GALNTL6: variants seen among roughly 807,000 people sequenced by gnomAD.
GALNTL6 encodes polypeptide N-acetylgalactosaminyltransferase like 6.
GALNTL6 carries 46 observed loss-of-function variants against 73.7 expected under a neutral mutation model. The ratio of observed to expected loss-of-function variants is 0.62; its 90% CI spans 0.49 to 0.80. The LOEUF (loss-of-function observed/expected upper bound fraction) is 0.80. Among genes scored for constraint, GALNTL6 ranks in the 30% least tolerant of loss-of-function variants. GALNTL6 has a pLI of 0.00. For missense variants in GALNTL6, 604 were observed against 755.0 expected (o/e 0.80, Z 2.34); for synonymous variants, 259 against 263.7 (o/e 0.98, Z 0.17).
chr4:172,369,738 C>T (rs1017922163), intron 5 of GALNTL6, among the ~76,000 whole-genome samples: 2 of 152,180 alleles, frequency 1.3e-5, no homozygotes, highest in African/African-American at 4.8e-5. Flanking sequence ...CTGCCCGGGG[C>T]CGGTGGTACA....
chr4:172,142,137 A>G (rs1285054459), intron 2 of GALNTL6, among the ~76,000 whole-genome samples: 2 of 152,052 alleles, frequency 1.3e-5, no homozygotes, highest in African/African-American at 4.8e-5. Context: ...TATAGAAATA[A>G]ATATTGTAAT....
intron 2 of GALNTL6, among the ~76,000 whole-genome samples, chr4:171,938,105 T>A (rs1282555595): frequency 1.3e-5 from 2 of 152,124 alleles, no homozygotes; most frequent in Non-Finnish European, 2.9e-5. Flanking sequence ...GATTTTTTCT[T>A]TTTTTTAAGT....
intron 2 of GALNTL6, among the ~76,000 whole-genome samples, chr4:172,104,232 C>T (rs1471348592): frequency 1.3e-5 from 2 of 152,100 alleles, no homozygotes; most frequent in Admixed American, 1.3e-4. Flanking sequence ...TGTGAGCCAC[C>T]GTGCCCGGCC....
intron 5 of GALNTL6, among the ~76,000 whole-genome samples, chr4:172,684,038 T>C (rs1262751595): frequency 6.6e-6 from 1 of 152,202 alleles, no homozygotes; most frequent in African/African-American, 2.4e-5. Context: ...TAGATGCATC[T>C]ATAAAGGATA....
intron 5 of GALNTL6, among the ~76,000 whole-genome samples, chr4:172,540,498 T>C: frequency 6.6e-6 from 1 of 152,188 alleles, no homozygotes; most frequent in Non-Finnish European, 1.5e-5. Flanking sequence ...AGGTTTATTC[T>C]GAGCCAATAT....
At chr4:172,010,177 T>C (rs1351172878) in intron 2 of GALNTL6, among the ~76,000 whole-genome samples, 4 of 152,104 alleles carry the variant, frequency 2.6e-5, no homozygotes, top group African/African-American at 9.7e-5. Context: ...AGCTTCTTTA[T>C]TACAAAAGCA....
chr4:172,859,544 G>A (rs554673387), intron 7 of GALNTL6, among the ~76,000 whole-genome samples: 50 of 151,978 alleles, frequency 3.3e-4, no homozygotes, highest in African/African-American at 7.5e-4. Flanking sequence ...TAATGCTGCC[G>A]TTCGTTAAGT....
chr4:172,377,403 G>A (rs745545627), intron 5 of GALNTL6, among the ~76,000 whole-genome samples: 16 of 152,150 alleles, frequency 1.1e-4, no homozygotes, highest in African/African-American at 2.2e-4. Context: ...TGATTGGTGC[G>A]TTCACAATCC....
chr4:173,009,135 T>C (rs1218122678), intron 10 of GALNTL6, 43 bp from the exon 11 acceptor site: 3 of 1,318,686 alleles, frequency 2.3e-6, no homozygotes, highest in Non-Finnish European at 3.3e-6. Flanking sequence ...AATGATAAAA[T>C]ACGACATAGC....
chr4:172,024,889 T>A (rs944100761), intron 2 of GALNTL6, among the ~76,000 whole-genome samples: 1 of 147,532 alleles, frequency 6.8e-6, no homozygotes, highest in Admixed American at 6.9e-5. Context: ...AATTAAGAGA[T>A]TTTTAGCGTT....
At chr4:172,025,059 A>G (rs966398524) in intron 2 of GALNTL6, among the ~76,000 whole-genome samples, 5 of 152,014 alleles carry the variant, frequency 3.3e-5, no homozygotes, top group African/African-American at 1.2e-4. Context: ...TCAATGCTTC[A>G]CAGCTTAATT....
At chr4:172,894,301 T>TGAA (rs1035430991) in intron 8 of GALNTL6, among the ~76,000 whole-genome samples, 33 of 152,310 alleles carry the variant, frequency 2.2e-4, no homozygotes, top group African/African-American at 6.3e-4. Flanking sequence ...TTGAAGTATT[T>TGAA]GAAGTTTGTC....
intron 7 of GALNTL6, among the ~76,000 whole-genome samples, chr4:172,834,810 G>A (rs534599131): frequency 9.4e-4 from 143 of 152,354 alleles, no homozygotes; most frequent in African/African-American, 3.3e-3. Flanking sequence ...AAGCAAAGCA[G>A]GGAGAAATGG....
At chr4:172,091,784 A>G (rs763276968) in intron 2 of GALNTL6, among the ~76,000 whole-genome samples, 5 of 152,202 alleles carry the variant, frequency 3.3e-5, no homozygotes, top group Non-Finnish European at 5.9e-5. Flanking sequence ...TTTGCTCACA[A>G]AAGCATATTT....
intron 5 of GALNTL6, among the ~76,000 whole-genome samples, chr4:172,612,195 G>A (rs1328696402): frequency 6.6e-6 from 1 of 152,048 alleles, no homozygotes; most frequent in African/African-American, 2.4e-5. Flanking sequence ...TGGGGGTGGG[G>A]TATCCAAAAT....
At chr4:172,576,405 G>A (rs570092904) in intron 5 of GALNTL6, among the ~76,000 whole-genome samples, 125 of 152,280 alleles carry the variant, frequency 8.2e-4, no homozygotes, top group African/African-American at 2.7e-3. Context: ...AAAGGCTTCT[G>A]TAATGTACCC....
chr4:172,126,555 C>T (rs143258890), intron 2 of GALNTL6, among the ~76,000 whole-genome samples: 48 of 152,270 alleles, frequency 3.2e-4, no homozygotes, highest in African/African-American at 9.1e-4. Context: ...CAGCCTGGAG[C>T]GGCTCCCCAG....
chr4:172,329,560 T>A (rs1741055869), intron 4 of GALNTL6, among the ~76,000 whole-genome samples: 1 of 151,986 alleles, frequency 6.6e-6, no homozygotes, highest in Non-Finnish European at 1.5e-5. Context: ...CCTGAACCAC[T>A]GGCAGGGAGA....
intron 3 of GALNTL6, among the ~76,000 whole-genome samples, chr4:172,249,761 G>A (rs536909746): frequency 1.3e-5 from 2 of 152,332 alleles, no homozygotes; most frequent in African/African-American, 4.8e-5. Flanking sequence ...TGTAGGTCCT[G>A]TGGATTCTCA....
Sources: gnomAD v4.1 joint callset for allele counts (sites outside exome capture counted in the v4.1 genomes callset) on GRCh38, gnomAD v4.1.1 for gene constraint, MANE v1.5 for transcripts, NCBI Gene and HGNC (gene_info 2026-07-23, HGNC 2026-07-21) for gene names.